FAT3: variants seen among roughly 807,000 people sequenced by gnomAD.
FAT3 encodes the protein FAT atypical cadherin 3, also known as protocadherin Fat 3.
A neutral mutation model predicts 310.2 loss-of-function variants in FAT3; 95 were observed. The ratio of observed to expected loss-of-function variants is 0.31; its 90% CI spans 0.26 to 0.36. FAT3 has a LOEUF of 0.36. FAT3 is among the 10% of genes least tolerant of loss of function. FAT3 has a pLI of 1.00. For synonymous variants in FAT3, 2,314 were observed against 2,192.9 expected, an observed-to-expected ratio of 1.06 and a Z score of -1.54; for missense variants, 5,408 against 5,715.6, an observed-to-expected ratio of 0.95 and a Z score of 1.74.
intron 23 of FAT3, among the ~76,000 whole-genome samples, chr11:92,882,408 A>G (rs11020092): frequency 0.75 from 113,377 of 152,002 alleles, 42,971 homozygotes; most frequent in African/African-American, 0.88. Flanking sequence ...CCTTTTCAAT[A>G]GCATCTGTTA....
At chr11:92,595,965 T>C (rs1939684207) in intron 3 of FAT3, among the ~76,000 whole-genome samples, 1 of 152,124 alleles carries the variant, frequency 6.6e-6, no homozygotes, top group South Asian at 2.1e-4. Context: ...AGAGAGTACA[T>C]TGGGCAATGT....
intron 2 of FAT3, among the ~76,000 whole-genome samples, chr11:92,424,670 A>G (rs967875079): frequency 2.6e-5 from 4 of 152,150 alleles, no homozygotes; most frequent in South Asian, 2.1e-4. Flanking sequence ...GAACTCTGCA[A>G]ATTTCCATGC....
At chr11:92,442,111 A>ATATATATATTTTTTTTTTT (rs1453396603) in intron 2 of FAT3, among the ~76,000 whole-genome samples, 3 of 45,218 alleles carry the variant, frequency 6.6e-5, no homozygotes, top group African/African-American at 5.5e-4. Flanking sequence ...ATATATATAT[A>ATATATATATTTTTTTTTTT]TTTTTTTTTT....
intron 2 of FAT3, among the ~76,000 whole-genome samples, chr11:92,378,220 A>G (rs1395416513): frequency 6.6e-6 from 1 of 152,182 alleles, no homozygotes; most frequent in Non-Finnish European, 1.5e-5. Flanking sequence ...TCACTTTCTT[A>G]TAAATGTGGT....
At chr11:92,270,505 C>T (rs1455378718) in intron 1 of FAT3, among the ~76,000 whole-genome samples, 51 of 150,996 alleles carry the variant, frequency 3.4e-4, no homozygotes, top group Admixed American at 3.4e-3. Flanking sequence ...ATGGTGAAAC[C>T]TCGTCTCTAA....
At chr11:92,753,679 A>C (rs1945886677) in intron 4 of FAT3, among the ~76,000 whole-genome samples, 1 of 152,000 alleles carries the variant, frequency 6.6e-6, no homozygotes, top group Non-Finnish European at 1.5e-5. Flanking sequence ...CTAAAAATGG[A>C]ACTACCATAT....
chr11:92,554,692 G>A (rs1342610743), intron 3 of FAT3, among the ~76,000 whole-genome samples: 5 of 151,940 alleles, frequency 3.3e-5, no homozygotes, highest in East Asian at 1.9e-4. Flanking sequence ...TCTCTGCCCC[G>A]CTTTTGTGCC....
Position 92,352,831 on chromosome 11 carries a change from T to C in FAT3, c.719T>C (p.Leu240Pro). The C allele has an allele frequency of 1.2e-6, 2 of 1,613,956 alleles. No homozygotes were observed. Among genetic ancestry groups the C allele is most frequent in the Non-Finnish European group, 1.7e-6 (2 of 1,179,884 alleles). ...TTGGCTGTGGACCGGGGAATGAAAC[T>C]GTATGGGAACAATGGAGTGAGCAGT... ...EILAVDRGMKLYGNNGVSSTA... is the reference protein window; with the variant it reads ...EILAVDRGMKPYGNNGVSSTA... The change falls in exon 2 of 28, where the codon CTG becomes CCG. Residue 240 changes from leucine (L) to proline (P), a missense_variant. Leu to Pro is a moderately conservative substitution (Grantham distance 98, BLOSUM62 -3). Transcript: ENST00000525166.
At chr11:92,501,972 C>T (rs142501251) in intron 2 of FAT3, among the ~76,000 whole-genome samples, 131 of 151,238 alleles carry the variant, frequency 8.7e-4, no homozygotes, top group African/African-American at 3.0e-3. Flanking sequence ...AATGCACGCG[C>T]GCGTGTGTGT....
intron 3 of FAT3, among the ~76,000 whole-genome samples, chr11:92,531,456 A>G (rs897459804): frequency 2.0e-4 from 31 of 152,300 alleles, no homozygotes; most frequent in African/African-American, 7.2e-4. Context: ...AGGGTGGGCC[A>G]TCAGGCATGG....
intron 1 of FAT3, among the ~76,000 whole-genome samples, chr11:92,315,520 G>T (rs868560497): frequency 0.037 from 3,943 of 107,988 alleles, 58 homozygotes; most frequent in Non-Finnish European, 0.054. Flanking sequence ...TATAGAGAGA[G>T]AGAGAGAGAG....
intron 1 of FAT3, among the ~76,000 whole-genome samples, chr11:92,349,273 C>T (rs1948498013): frequency 6.6e-6 from 1 of 152,188 alleles, no homozygotes; most frequent in South Asian, 2.1e-4. Context: ...TTCACATTCC[C>T]TTACGAGAGA....
chr11:92,647,979 T>A (rs1942227422), intron 3 of FAT3, among the ~76,000 whole-genome samples: 1 of 152,148 alleles, frequency 6.6e-6, no homozygotes, highest in Admixed American at 6.5e-5. Flanking sequence ...GACCTGGATT[T>A]CAGTAGGTTG....
chr11:92,477,634 T>C (rs946805820), intron 2 of FAT3, among the ~76,000 whole-genome samples: 2 of 152,246 alleles, frequency 1.3e-5, no homozygotes, highest in Non-Finnish European at 2.9e-5. Context: ...GTCTGTGTTC[T>C]GGCTTGAGTG....
At chr11:92,887,768 T>C (rs1190707608) in intron 25 of FAT3, among the ~76,000 whole-genome samples, 1 of 152,122 alleles carries the variant, frequency 6.6e-6, no homozygotes, top group Non-Finnish European at 1.5e-5. Context: ...GGACTGGGTT[T>C]TCTGAGCTGA....
chr11:92,460,072 G>T (rs527509182), intron 2 of FAT3, among the ~76,000 whole-genome samples: 22 of 152,230 alleles, frequency 1.4e-4, no homozygotes, highest in Non-Finnish European at 3.1e-4. Context: ...GCTGTTCTCT[G>T]TCTTCTTTTT....
intron 2 of FAT3, among the ~76,000 whole-genome samples, chr11:92,463,455 T>C (rs1951683020): frequency 6.6e-6 from 1 of 152,180 alleles, no homozygotes; most frequent in African/African-American, 2.4e-5. Flanking sequence ...AGTTCATATT[T>C]CTTACCTGTA....
intron 12 of FAT3, 110 bp downstream of exon 12, chr11:92,806,625 G>A (rs2136203846): frequency 3.4e-6 from 3 of 889,130 alleles, no homozygotes; most frequent in Admixed American, 3.2e-5. Flanking sequence ...TACTCTTATA[G>A]GGATGGAGGG....
chr11:92,367,803 G>A (rs376018327), intron 2 of FAT3, among the ~76,000 whole-genome samples: 1 of 152,296 alleles, frequency 6.6e-6, no homozygotes, highest in African/African-American at 2.4e-5. Flanking sequence ...AATTCCAATT[G>A]GAGACATAAC....
Sources: gnomAD v4.1 joint callset for allele counts (sites outside exome capture counted in the v4.1 genomes callset) on GRCh38, gnomAD v4.1.1 for gene constraint, MANE v1.5 for transcripts, NCBI Gene and HGNC (gene_info 2026-07-23, HGNC 2026-07-21) for gene names.